Variants in PTER observed in about 807,000 individuals in gnomAD.
The protein encoded by PTER is N-acetyltaurine hydrolase.
In PTER, 38 loss-of-function variants were observed where a neutral mutation model predicts 29.6. That is an observed-to-expected ratio of 1.28 (90% CI 0.99 to 1.68). The LOEUF (loss-of-function observed/expected upper bound fraction) is 1.68. Ranked by LOEUF, PTER falls within the 40% of genes most tolerant of loss-of-function variation. The pLI is 0.00. For missense variants in PTER, 482 were observed against 427.8 expected, an observed-to-expected ratio of 1.13 and a Z score of -1.12; for synonymous variants, 172 against 154.5, an observed-to-expected ratio of 1.11 and a Z score of -0.84.
intron 1 of PTER, among the ~76,000 whole-genome samples, chr10:16,451,583 A>G (rs922544597): frequency 6.6e-6 from 1 of 151,892 alleles, no homozygotes; most frequent in South Asian, 2.1e-4. Flanking sequence ...GTGGTGGTGC[A>G]CTCCTGTAAT....
Position 16,437,061 on chromosome 10 carries a change from G to A in PTER, c.-49+14G>A, listed in dbSNP as rs1833674431. On this transcript the variant is annotated intron_variant, in intron 1 of 4. Coordinates refer to ENST00000535784, the MANE Select transcript of PTER (RefSeq NM_001261836.2). ...GTTGTACCCGAGGTAAGGCTTCTTG[G>A]AGTCAGAGCAGGAGCCGGAACTGTG... is the stretch of plus-strand genomic sequence containing the variant. The A allele has an allele frequency of 6.6e-6, 1 of 152,520 alleles. No homozygotes were observed. Among genetic ancestry groups the A allele is most frequent in the Non-Finnish European group, 1.5e-5 (1 of 68,286 alleles). 9.4% of individuals were successfully genotyped at this position (152,520 alleles called of 1,614,324 possible).
intron 1 of PTER, among the ~76,000 whole-genome samples, chr10:16,443,540 C>G (rs1172073773): frequency 1.3e-5 from 2 of 152,176 alleles, no homozygotes; most frequent in East Asian, 3.9e-4. Flanking sequence ...GGAGAATCTC[C>G]TCAGTTCAGG....
intron 1 of PTER, among the ~76,000 whole-genome samples, chr10:16,481,936 C>A (rs1045286222): frequency 6.6e-6 from 1 of 152,164 alleles, no homozygotes; most frequent in Non-Finnish European, 1.5e-5. Context: ...TCCTTGCTCT[C>A]AGTAGCAAGG....
At chr10:16,480,834 G>A (rs1389369607) in intron 1 of PTER, among the ~76,000 whole-genome samples, 6 of 152,182 alleles carry the variant, frequency 3.9e-5, no homozygotes, top group Admixed American at 3.9e-4. Context: ...TCAACAATTA[G>A]GTGAATTGTC....
chr10:16,486,670 A>G, intron 3 of PTER, 53 bp downstream of exon 3: 1 of 1,538,408 alleles, frequency 6.5e-7, no homozygotes, highest in Non-Finnish European at 8.8e-7. Context: ...TTAATGCATG[A>G]TCAAATTAAG....
rs1233995456 is a variant in PTER at position 16,511,867 on chromosome 10, T to C, written c.*611T>C. On this transcript the variant is annotated 3_prime_UTR_variant, in exon 5 of 5. Coordinates refer to ENST00000535784, the MANE Select transcript of PTER (RefSeq NM_001261836.2). ...TATTCTTCTACTGAAATGATTTTGA[T>C]ATCTTTGGCTTTCCGGTATCTATTT... is the stretch of plus-strand genomic sequence containing the variant. 6.5e-6 allele frequency: 1 copy of C among 152,948 alleles called. No homozygotes were observed. Among genetic ancestry groups the C allele is most frequent in the African/African-American group, 2.4e-5 (1 of 41,478 alleles). 9.5% of individuals were successfully genotyped at this position (152,948 alleles called of 1,614,324 possible). A position where few individuals can be genotyped will look rare whatever the true frequency, so the allele number is the denominator to read the frequency against.
chr10:16,515,983 T>G (rs1203297330), downstream of PTER, among the ~76,000 whole-genome samples: 3 of 152,276 alleles, frequency 2.0e-5, no homozygotes, highest in East Asian at 3.9e-4. Context: ...TTTCAAAATT[T>G]AAATGATGAG....
rs1213694172 is a variant in PTER at position 16,512,729 on chromosome 10, A to G, written c.*1473A>G. On this transcript the variant is annotated 3_prime_UTR_variant, in exon 5 of 5. Coordinates refer to ENST00000535784, the MANE Select transcript of PTER (RefSeq NM_001261836.2). ...AATTCCTTTAAATAAATAAAAAAAA[A>G]AAATGCAAATGTCCTTCACCAGTAA... 2 of 152,284 alleles carry G rather than the reference A, an allele frequency of 1.3e-5. No individual in the cohort carries two copies. The highest frequency in any genetic ancestry group is 2.9e-5 in the Non-Finnish European group (2 of 67,980). 9.4% of individuals were successfully genotyped at this position (152,284 alleles called of 1,614,324 possible).
rs553373037 is a variant in PTER, at chr10:16,463,463, G to A, written c.-48-20874G>A. On this transcript the variant is annotated intron_variant, in intron 1 of 4. Coordinates refer to ENST00000535784, the MANE Select transcript of PTER (RefSeq NM_001261836.2). ...TCTCGCTCTTATCACCCAGGCTGGA[G>A]TGCCATGGCAGGCGCGATCTTGGCT... 2.0e-5 allele frequency among the ~76,000 whole-genome samples: 3 copies of A among 152,202 alleles called. No homozygotes were observed. The East Asian group carries it at 5.8e-4, about 29-fold the overall frequency.
chr10:16,510,044 C>T (rs1313694825), intron 4 of PTER, among the ~76,000 whole-genome samples: 13 of 151,988 alleles, frequency 8.6e-5, no homozygotes. Flanking sequence ...AATAATCAGC[C>T]TCTGGAGGAA....
intron 1 of PTER, among the ~76,000 whole-genome samples, chr10:16,467,407 T>C (rs1834875638): frequency 6.6e-6 from 1 of 152,118 alleles, no homozygotes; most frequent in African/African-American, 2.4e-5. Flanking sequence ...CAGATTTTCT[T>C]TGGATAAGAG....
chr10:16,486,324 A>G, intron 2 of PTER, 28 bp from the exon 3 acceptor site: 1 of 1,581,838 alleles, frequency 6.3e-7, no homozygotes, highest in Non-Finnish European at 8.6e-7. Context: ...ACAACCTATA[A>G]AATATATTCC....
downstream of PTER, chr10:16,514,386 G>A: frequency 4.6e-6 from 3 of 654,872 alleles, no homozygotes; most frequent in South Asian, 5.6e-5. Flanking sequence ...ATACAGATGT[G>A]AGTCAGGTAG....
chr10:16,518,437 T>C (rs12217763), downstream of PTER, among the ~76,000 whole-genome samples: 12,967 of 152,260 alleles, frequency 0.085, 630 homozygotes, highest in East Asian at 0.23. Flanking sequence ...TCAGCTGTTT[T>C]ACCTTACTAT....
chr10:16,507,201 C>CATATATATATATATAT lies in PTER; in HGVS notation c.839+2046_839+2061dup, dbSNP rs55959560. Among the ~76,000 whole-genome samples, 720 of 140,336 alleles carry CATATATATATATATAT rather than the reference C, an allele frequency of 5.1e-3. 3 individuals carry two copies. Among genetic ancestry groups the CATATATATATATATAT allele is most frequent in the African/African-American group, 0.013 (498 of 37,174 alleles). The allele number at this position is 140,336 out of a possible 152,430, so 92.1% of individuals were successfully genotyped here. A position where few individuals can be genotyped will look rare whatever the true frequency, so the allele number is the denominator to read the frequency against. On this transcript the variant is annotated intron_variant, in intron 4 of 4. Transcript: ENST00000535784. Reference sequence around the variant, plus strand: ...GCAGGCTTTAATGAAGTGGGTGGAGCATATATATATATATATATATGTTCA... The same window carrying CATATATATATATATAT: ...GCAGGCTTTAATGAAGTGGGTGGAGCATATATATATATATATATATATATATATATATATATGTTCA...
chr10:16,467,836 G>T (rs1036734889), intron 1 of PTER, among the ~76,000 whole-genome samples: 3 of 152,002 alleles, frequency 2.0e-5, no homozygotes, highest in African/African-American at 7.3e-5. Flanking sequence ...TATATTTGCT[G>T]CCTTCTGAGA....
intron 1 of PTER, among the ~76,000 whole-genome samples, chr10:16,447,797 C>T (rs1368032649): frequency 6.6e-6 from 1 of 152,158 alleles, no homozygotes; most frequent in Non-Finnish European, 1.5e-5. Context: ...TCTTCTCTTC[C>T]TCTGTCAACT....
intron 1 of PTER, among the ~76,000 whole-genome samples, chr10:16,459,439 C>A (rs1056011984): frequency 6.6e-6 from 1 of 152,166 alleles, no homozygotes; most frequent in Non-Finnish European, 1.5e-5. Flanking sequence ...ATCAATGGGG[C>A]CTTTGAGAAA....
At position 16,511,336 on chromosome 10, in the gene PTER, T is replaced by C. The variant is rs1046712135; in HGVS notation, c.*80T>C. The C allele has an allele frequency of 9.3e-6, 12 of 1,285,368 alleles. No individual in the cohort carries two copies. Among genetic ancestry groups the C allele is most frequent in the East Asian group, 4.6e-5 (2 of 43,282 alleles). 79.6% of individuals were successfully genotyped at this position (1,285,368 alleles called of 1,614,324 possible). On this transcript the variant is annotated 3_prime_UTR_variant, in exon 5 of 5. Coordinates refer to ENST00000535784, the MANE Select transcript of PTER (RefSeq NM_001261836.2). ...CGATTTCCAGTCCACTGTGAGATAT[T>C]AATCAGTTACCTAGGACTAATGACA...
Sources: gnomAD v4.1 joint callset for allele counts (sites outside exome capture counted in the v4.1 genomes callset) on GRCh38, gnomAD v4.1.1 for gene constraint, MANE v1.5 for transcripts, NCBI Gene and HGNC (gene_info 2026-07-23, HGNC 2026-07-21) for gene names.